ADCY7: variants seen among roughly 807,000 people sequenced by gnomAD.
ADCY7 encodes the protein adenylate cyclase type 7.
A neutral mutation model predicts 120.6 loss-of-function variants in ADCY7; 72 were observed. The observed-to-expected ratio is 0.60, with a 90% CI of 0.49 to 0.73. The LOEUF (loss-of-function observed/expected upper bound fraction) is 0.73. Among genes scored for constraint, ADCY7 ranks in the 30% least tolerant of loss-of-function variants. The pLI is 0.00. For synonymous variants in ADCY7, 661 were observed against 628.0 expected, an observed-to-expected ratio of 1.05 and a Z score of -0.78; for missense variants, 1,227 against 1,486.0, an observed-to-expected ratio of 0.83 and a Z score of 2.87.
intron 7 of ADCY7, 74 bp from the exon 8 acceptor site, chr16:50,298,830 T>TG: frequency 1.3e-6 from 2 of 1,540,562 alleles, no homozygotes. Flanking sequence ...CCCTGGAGGG[T>TG]GGGGGGAGGC....
rs2034083339 is a variant in ADCY7 at position 50,278,956 on chromosome 16, C to T, written c.-268-8956C>T. 2.0e-5 allele frequency among the ~76,000 whole-genome samples: 3 copies of T among 151,662 alleles called. No homozygotes were observed. The South Asian group carries it at 6.2e-4, about 32-fold the overall frequency. ...GTGCAATCCCATCTCACTGCAACCT[C>T]TGCCTCCCGAGTTCAAGTGATTCTC... On this transcript the variant is annotated intron_variant, in intron 1 of 25. Coordinates refer to ENST00000673801, the MANE Select transcript of ADCY7 (RefSeq NM_001114.5).
In ADCY7 at chr16:50,309,259, C is replaced by T. The variant is rs376780817; in HGVS notation, c.2062-289C>T. 1.4e-5 allele frequency: 6 copies of T among 423,592 alleles called. 1 individual carries two copies. Among genetic ancestry groups the T allele is most frequent in the South Asian group, 7.6e-5 (2 of 26,466 alleles). The allele number at this position is 423,592 out of a possible 1,614,324, so 26.2% of individuals were successfully genotyped here. The stretch of plus-strand genomic sequence containing the variant: ...TTTTTGGAATGTGTTCCTGTGACCA[C>T]CTCCCTCAGGGTCACCTGGGGAGGC... On this transcript the variant is annotated intron_variant, in intron 17 of 25. Coordinates refer to ENST00000673801, the MANE Select transcript of ADCY7 (RefSeq NM_001114.5).
At chr16:50,244,940 G>GT (rs1486314869), upstream of ADCY7, among the ~76,000 whole-genome samples, 9 of 152,246 alleles carry the variant, frequency 5.9e-5, no homozygotes, top group East Asian at 9.7e-4. Context: ...CTGCTGGGAT[G>GT]TAAGTCTCAG....
chr16:50,309,426 G>T, intron 17 of ADCY7, 122 bp from the exon 18 acceptor site: 1 of 771,070 alleles, frequency 1.3e-6, no homozygotes, highest in Non-Finnish European at 2.1e-6. Flanking sequence ...GCTCAGAGCT[G>T]ATCCCAACGT....
At chr16:50,293,215 G>A (rs2035109245) in intron 5 of ADCY7, 139 bp from the exon 6 acceptor site, 1 of 947,994 alleles carries the variant, frequency 1.1e-6, no homozygotes, top group South Asian at 1.6e-5. Flanking sequence ...TGGGGACATT[G>A]TGGGCAGGGC....
intron 6 of ADCY7, among the ~76,000 whole-genome samples, chr16:50,293,939 C>T (rs973669884): frequency 6.6e-6 from 1 of 152,150 alleles, no homozygotes; most frequent in African/African-American, 2.4e-5. Flanking sequence ...TACTTGAATG[C>T]ACTGACCTGA....
Position 50,314,357 on chromosome 16 carries a change from G to C in ADCY7, c.2922G>C (p.Lys974Asn). 1 of 1,614,170 alleles carries C rather than the reference G, an allele frequency of 6.2e-7. No homozygotes were observed. The highest frequency in any genetic ancestry group is 8.5e-7 in the Non-Finnish European group (1 of 1,180,052). ...MVEFSIALMS[K>N]LDGINRHSFN... ...AGTTCAGCATCGCCCTGATGAGTAA[G>C]CTGGACGGCATCAACAGGCACTCCT... The change falls in exon 24 of 26, where the codon AAG (lysine) becomes AAC (asparagine). Residue 974 changes from lysine (K) to asparagine (N), a missense_variant. Transcript: ENST00000673801.
rs7191418 is a variant in ADCY7, at chr16:50,259,435, A to G, written c.-64+13232A>G. On this transcript the variant is annotated intron_variant, in intron 1 of 4. Coordinates refer to the ADCY7 transcript ENST00000564044. ...AGCTGCCAAGTTTTTCAAAGGAAAT[A>G]AGGGCTTTTGGTTGGCAGGGCGGTT... Among the ~76,000 whole-genome samples, 1,154 of 152,292 alleles carry G rather than the reference A, an allele frequency of 7.6e-3. 20 individuals carry two copies. The highest frequency in any genetic ancestry group is 0.027 in the African/African-American group (1,114 of 41,546).
intron 15 of ADCY7, 37 bp from the exon 16 acceptor site, chr16:50,308,290 G>A (rs569676604): frequency 5.0e-6 from 8 of 1,614,100 alleles, no homozygotes; most frequent in Middle Eastern, 1.6e-4. Flanking sequence ...TGGGCAGAAG[G>A]CCCTAGGCAG....
Position 50,292,806 on chromosome 16 carries a change from G to A in ADCY7, c.668G>A (p.Arg223His), listed in dbSNP as rs141712991. 3.1e-6 allele frequency: 5 copies of A among 1,613,544 alleles called. No individual in the cohort carries two copies. Among genetic ancestry groups the A allele is most frequent in the Non-Finnish European group, 4.2e-6 (5 of 1,179,940 alleles). The change falls in exon 5 of 26, where the codon CGC becomes CAC. Residue 223 changes from arginine to histidine, a missense_variant. Around this residue, in one of 5 missense-constraint regions of ADCY7, gnomAD observed 382 missense variants for 411.4 expected, o/e 0.93. Transcript: ENST00000673801. ...TGCATCCAGATCCGCCGGAAGCTGC[G>A]CATCGAGAAGCGCCAGCAGGTGGGA... Reference protein sequence around the residue: ...VKCIQIRRKLRIEKRQQENLL... With the variant: ...VKCIQIRRKLHIEKRQQENLL...
intron 1 of ADCY7, among the ~76,000 whole-genome samples, chr16:50,256,054 A>C (rs1331024701): frequency 6.6e-6 from 1 of 152,184 alleles, no homozygotes; most frequent in African/African-American, 2.4e-5. Context: ...CCAAAATCTC[A>C]TGCAACAAAA....
intron 1 of ADCY7, among the ~76,000 whole-genome samples, chr16:50,276,254 A>G (rs1034486173): frequency 2.0e-5 from 3 of 152,172 alleles, no homozygotes; most frequent in Non-Finnish European, 2.9e-5. Flanking sequence ...TTGCTGACCA[A>G]TGTTCTCTCT....
intron 1 of ADCY7, among the ~76,000 whole-genome samples, chr16:50,260,805 C>T (rs1240989946): frequency 6.6e-6 from 1 of 152,154 alleles, no homozygotes; most frequent in African/African-American, 2.4e-5. Flanking sequence ...TGAGTGTCCT[C>T]GAGCCATGGT....
intron 7 of ADCY7, among the ~76,000 whole-genome samples, chr16:50,298,689 C>T (rs2035515636): frequency 6.6e-6 from 1 of 152,218 alleles, no homozygotes; most frequent in Non-Finnish European, 1.5e-5. Flanking sequence ...CTCGTGTTCA[C>T]CTCTGGTGCT....
intron 7 of ADCY7, among the ~76,000 whole-genome samples, chr16:50,296,429 T>G (rs975207468): frequency 7.9e-5 from 12 of 151,212 alleles, no homozygotes; most frequent in African/African-American, 2.7e-4. Flanking sequence ...GTGTGATCTC[T>G]GCTCACTGCA....
chr16:50,246,416 C>T (rs1235157021), intron 1 of ADCY7, among the ~76,000 whole-genome samples: 1 of 152,100 alleles, frequency 6.6e-6, no homozygotes, highest in Non-Finnish European at 1.5e-5. Flanking sequence ...TCCCTCGGGC[C>T]ACGACCTCCT....
At position 50,293,427 on chromosome 16, in the gene ADCY7, A is replaced by G. The variant is rs756602945; in HGVS notation, c.761A>G (p.Lys254Arg). 4 of 1,613,972 alleles carry G rather than the reference A, an allele frequency of 2.5e-6. No individual in the cohort carries two copies. Among genetic ancestry groups the G allele is most frequent in the Non-Finnish European group, 3.4e-6 (4 of 1,180,040 alleles). Residue 254 changes from lysine (K) to arginine (R), a missense_variant, in exon 6 of 26, where the codon AAG becomes AGG. This residue lies in a region of ADCY7 where 382 missense variants were observed against 411.4 expected (regional missense o/e 0.93). Transcript: ENST00000673801. ...AAGCTGGCCATCATCGAACGGCTCA[A>G]GGAGCATGGTGACCGTCGCTGCATG... is the stretch of plus-strand genomic sequence containing the variant. ...GMKLAIIERL[K>R]EHGDRRCMPD...
intron 1 of ADCY7, among the ~76,000 whole-genome samples, chr16:50,278,087 G>T (rs34115398): frequency 0.018 from 2,797 of 151,556 alleles, 51 homozygotes; most frequent in Middle Eastern, 0.052. Context: ...TGTCACCGAG[G>T]CTGGTTTACA....
rs371865539 is a variant in ADCY7, at chr16:50,314,343, G to A, written c.2908G>A (p.Ala970Thr). 7.4e-6 allele frequency: 12 copies of A among 1,614,106 alleles called. No individual in the cohort carries two copies. The highest frequency in any genetic ancestry group is 9.3e-6 in the Non-Finnish European group (11 of 1,180,028). ...HIGVMVEFSI[A>T]LMSKLDGINR... is the part of the protein sequence containing the mutation. ...TGGTGTCATGGTGGAGTTCAGCATC[G>A]CCCTGATGAGTAAGCTGGACGGCAT... The change falls in exon 24 of 26, where the codon GCC becomes ACC. Residue 970 changes from alanine (A) to threonine (T), a missense_variant. Physicochemically the swap from Ala to Thr is moderately conservative, Grantham distance 58. Transcript: ENST00000673801.
Sources: allele counts gnomAD v4.1 joint callset (sites outside exome capture counted in the v4.1 genomes callset), GRCh38; gene constraint gnomAD v4.1.1; regional missense constraint gnomAD v4.1.1; transcripts MANE v1.5; gene names NCBI Gene and HGNC (gene_info 2026-07-23, HGNC 2026-07-21).